FGD3: variants seen among roughly 807,000 people sequenced by gnomAD.
FGD3 encodes the protein FYVE, RhoGEF and PH domain-containing protein 3.
FGD3 carries 45 observed loss-of-function variants against 71.8 expected under a neutral mutation model. The ratio of observed to expected loss-of-function variants is 0.63; its 90% CI spans 0.49 to 0.80. The LOEUF (loss-of-function observed/expected upper bound fraction) is 0.80. Among genes scored for constraint, FGD3 ranks in the 30% least tolerant of loss-of-function variants. The pLI, the probability that FGD3 is intolerant of heterozygous loss-of-function variation, is 0.00. For missense variants in FGD3, 844 were observed against 951.5 expected (o/e 0.89, Z 1.49); for synonymous variants, 378 against 392.8 (o/e 0.96, Z 0.44).
intron 3 of FGD3, among the ~76,000 whole-genome samples, chr9:92,984,344 T>C (rs1175499807): frequency 1.3e-5 from 2 of 152,236 alleles, no homozygotes; most frequent in African/African-American, 4.8e-5. Flanking sequence ...TTTATAACCT[T>C]CCTTACCAAC....
At chr9:93,016,244 G>T (rs1861680920) in intron 10 of FGD3, among the ~76,000 whole-genome samples, 1 of 152,070 alleles carries the variant, frequency 6.6e-6, no homozygotes, top group Non-Finnish European at 1.5e-5. Flanking sequence ...CCCTTGTCTG[G>T]TTCCTGGGTC....
chr9:93,015,555 C>T (rs1400690323), intron 9 of FGD3, 182 bp from the exon 10 acceptor site: 3 of 459,140 alleles, frequency 6.5e-6, no homozygotes, highest in Non-Finnish European at 3.9e-6. Flanking sequence ...AAGCTAGCGA[C>T]TAGAGTCTCC....
intron 3 of FGD3, among the ~76,000 whole-genome samples, chr9:92,991,049 CT>C (rs1335489462): frequency 6.6e-6 from 1 of 151,776 alleles, no homozygotes; most frequent in Non-Finnish European, 1.5e-5. Flanking sequence ...GGGTCCTGGA[CT>C]TTTTTTGTTT....
At chr9:93,028,218 G>GCACACACACACACACACACGCACA in intron 14 of FGD3, among the ~76,000 whole-genome samples, 1 of 141,108 alleles carries the variant, frequency 7.1e-6, no homozygotes, top group Admixed American at 7.1e-5. Context: ...ACACACACAC[G>GCACACACACACACACACACGCACA]CACACACACA....
chr9:93,002,162 T>A (rs1293727322), intron 3 of FGD3, among the ~76,000 whole-genome samples: 1 of 152,208 alleles, frequency 6.6e-6, no homozygotes, highest in Non-Finnish European at 1.5e-5. Flanking sequence ...CTGCATGAAG[T>A]GTTTCATATG....
chr9:93,032,751 G>T lies in FGD3; in HGVS notation c.1681-18G>T. 1.9e-6 allele frequency: 3 copies of T among 1,612,934 alleles called. No individual in the cohort carries two copies. Among genetic ancestry groups the T allele is most frequent in the Non-Finnish European group, 2.5e-6 (3 of 1,178,978 alleles). ...CTGTCCCAGGGTGCTGGGGTCACAC[G>T]TGCCCTCTGTTTGGCAGGTCATCTG... On this transcript the variant is annotated intron_variant, in intron 15 of 17. Coordinates refer to ENST00000375482, the MANE Select transcript of FGD3 (RefSeq NM_001083536.2).
chr9:92,957,677 C>CTT (rs60726578), intron 1 of FGD3, among the ~76,000 whole-genome samples: 3,723 of 102,118 alleles, frequency 0.036, 176 homozygotes, highest in East Asian at 0.23. Flanking sequence ...ATTTTCTTTT[C>CTT]TTTTTTTTTT....
At chr9:92,951,488 G>C (rs1858953101) in intron 1 of FGD3, among the ~76,000 whole-genome samples, 2 of 152,172 alleles carry the variant, frequency 1.3e-5, no homozygotes, top group Non-Finnish European at 1.5e-5. Flanking sequence ...ACCAGGCTGG[G>C]CAACATTGTG....
chr9:92,957,677 C>CTTTTTTTTTTTTT, intron 1 of FGD3, among the ~76,000 whole-genome samples: 1 of 102,232 alleles, frequency 9.8e-6, no homozygotes, highest in Non-Finnish European at 1.9e-5. Context: ...ATTTTCTTTT[C>CTTTTTTTTTTTTT]TTTTTTTTTT....
chr9:93,014,362 G>C (rs938035242), intron 9 of FGD3, among the ~76,000 whole-genome samples: 4 of 152,116 alleles, frequency 2.6e-5, no homozygotes, highest in African/African-American at 9.7e-5. Flanking sequence ...CTATTCCTGA[G>C]CCAAACCCTG....
intron 1 of FGD3, among the ~76,000 whole-genome samples, chr9:92,961,493 T>C (rs1417375695): frequency 6.6e-6 from 1 of 152,196 alleles, no homozygotes; most frequent in Non-Finnish European, 1.5e-5. Context: ...GAATATGTGT[T>C]GATACTTCCT....
intron 1 of FGD3, among the ~76,000 whole-genome samples, chr9:92,968,607 CTT>C (rs55908030): frequency 7.0e-5 from 10 of 143,002 alleles, no homozygotes; most frequent in Admixed American, 1.4e-4. Context: ...TTCTTTCTTT[CTT>C]TTTTTTTTTT....
chr9:93,032,433 G>C, intron 15 of FGD3: 1 of 259,038 alleles, frequency 3.9e-6, no homozygotes, highest in Non-Finnish European at 7.6e-6. Flanking sequence ...TTCTGGTTAT[G>C]AATTTGATTT....
At chr9:92,965,116 C>G (rs1173565290) in intron 1 of FGD3, among the ~76,000 whole-genome samples, 1 of 152,184 alleles carries the variant, frequency 6.6e-6, no homozygotes, top group Admixed American at 6.5e-5. Context: ...GGCGGCACAA[C>G]CCGATGCCAC....
In FGD3 at chr9:93,010,296, C is replaced by G. The variant is rs561057043; in HGVS notation, c.888C>G (p.Pro296=). 6 of 1,613,220 alleles carry G rather than the reference C, an allele frequency of 3.7e-6. No homozygotes were observed. Among genetic ancestry groups the G allele is most frequent in the African/African-American group, 1.3e-5 (1 of 75,004 alleles). The change falls in exon 7 of 18, where the codon CCC becomes CCG. Residue 296 remains proline (P), a synonymous_variant. Coordinates refer to ENST00000375482, the MANE Select transcript of FGD3 (RefSeq NM_001083536.2). The part of the protein sequence containing the change: ...NLTLQHHMLE[P]VQRVPRYELL... The stretch of plus-strand genomic sequence containing the variant: ...CGCTGCAGCACCACATGCTGGAGCC[C>G]GTGCAGAGGGTCCCCCGGTACGAGC...
At chr9:93,030,591 A>G (rs938469349) in intron 15 of FGD3, among the ~76,000 whole-genome samples, 1 of 152,156 alleles carries the variant, frequency 6.6e-6, no homozygotes, top group Non-Finnish European at 1.5e-5. Context: ...ATTAAAGTTG[A>G]ATCTGTGTTA....
chr9:92,989,937 T>C (rs374274057), intron 3 of FGD3, among the ~76,000 whole-genome samples: 1 of 105,322 alleles, frequency 9.5e-6, no homozygotes, highest in Non-Finnish European at 2.1e-5. Flanking sequence ...TTTTTTTTTT[T>C]ACCTTTTTCA....
intron 3 of FGD3, among the ~76,000 whole-genome samples, chr9:92,985,344 CTGAGGAGGTGACTT>C (rs1177292948): frequency 1.3e-5 from 2 of 152,192 alleles, no homozygotes; most frequent in African/African-American, 4.8e-5. Flanking sequence ...TTATAAAAGA[CTGAGGAGGTGACTT>C]TGAGGATTTC....
At chr9:93,028,993 CAGTTTTTTTT>C (rs1862243652) in intron 14 of FGD3, among the ~76,000 whole-genome samples, 2 of 108,034 alleles carry the variant, frequency 1.9e-5, no homozygotes, top group Non-Finnish European at 4.0e-5. Flanking sequence ...CATGTCCTCA[CAGTTTTTTTT>C]TTTTTTTTTT....
Sources: allele counts gnomAD v4.1 joint callset (sites outside exome capture counted in the v4.1 genomes callset), GRCh38; gene constraint gnomAD v4.1.1; transcripts MANE v1.5; gene names NCBI Gene and HGNC (gene_info 2026-07-23, HGNC 2026-07-21).